Variants in B9D1 observed in about 807,000 individuals in gnomAD.
The protein encoded by B9D1 is B9 domain-containing protein 1.
In B9D1, 20 loss-of-function variants were observed where a neutral mutation model predicts 26.1. The observed-to-expected ratio is 0.77, with a 90% confidence interval of 0.54 to 1.12. The LOEUF is 1.12. Ranked by LOEUF, B9D1 falls within the 50% of genes most tolerant of loss-of-function variation. The pLI, the probability that B9D1 is intolerant of heterozygous loss-of-function variation, is 0.00. For missense variants in B9D1, 260 were observed against 273.7 expected (o/e 0.95, Z 0.35); for synonymous variants, 105 against 103.1 (o/e 1.02, Z -0.11).
chr17:19,347,213 G>A lies in B9D1; in HGVS notation c.404+56C>T, dbSNP rs1908935396. 2.5e-6 allele frequency: 4 copies of A among 1,614,192 alleles called. No individual in the cohort carries two copies. Among genetic ancestry groups the A allele is most frequent in the Non-Finnish European group, 3.4e-6 (4 of 1,180,014 alleles). On this transcript the variant is annotated intron_variant, in intron 5 of 6. Transcript: ENST00000261499. This position sits in a 1 kb window ranked among gnomAD's most constrained non-coding sequence, Gnocchi z 4.3. ...AGGCACAAACTGAGGGGTAGAATGG[G>A]ACATCCATTCATCCAGTAGATCAGG...
Position 19,347,635 on chromosome 17 carries a change from CA to C in B9D1, c.341+148del. ...ATCTGAAAGGTTCTCCTCCCAAATA[CA>C]GGCTACAACCCCCCTGGCCACCAGG... is the stretch of plus-strand genomic sequence containing the variant. On this transcript the variant is annotated intron_variant, in intron 4 of 6. Coordinates refer to ENST00000261499, the MANE Select transcript of B9D1 (RefSeq NM_015681.6). This position sits in a 1 kb window ranked among gnomAD's most constrained non-coding sequence, Gnocchi z 4.3. 1 of 815,188 alleles carries C rather than the reference CA, an allele frequency of 1.2e-6. No individual in the cohort carries two copies. Among genetic ancestry groups the C allele is most frequent in the Non-Finnish European group, 2.0e-6 (1 of 490,958 alleles). The allele number at this position is 815,188 out of a possible 1,614,324, so 50.5% of individuals were successfully genotyped here. A position where few individuals can be genotyped will look rare whatever the true frequency, so the allele number is the denominator to read the frequency against.
rs1911684027 is a variant in B9D1, at chr17:19,367,954, G to A, written c.-297-7566C>T. Among the ~76,000 whole-genome samples the A allele has an allele frequency of 2.0e-5, 3 of 152,216 alleles. No individual in the cohort carries two copies. The South Asian group carries it at 6.2e-4, about 32-fold the overall frequency. On this transcript the variant is annotated intron_variant, in intron 1 of 5. Coordinates refer to the B9D1 transcript ENST00000477478. ...CTAAATGCTTGTTGAGTGAATGCAT[G>A]AGTGGAGGTCTTTGGGGAGCACTCT...
At chr17:19,346,738 G>A (rs141614013) in intron 5 of B9D1, among the ~76,000 whole-genome samples, 8 of 152,204 alleles carry the variant, frequency 5.3e-5, no homozygotes, top group Non-Finnish European at 8.8e-5. Context: ...CCACACTGCC[G>A]TCCTGGCCAC....
At chr17:19,376,975 G>C (rs897568002) in intron 1 of B9D1, among the ~76,000 whole-genome samples, 1 of 152,048 alleles carries the variant, frequency 6.6e-6, no homozygotes, top group Non-Finnish European at 1.5e-5. Context: ...CCTCCCCTTT[G>C]AGTTGTCCCG....
At chr17:19,335,560 G>A, downstream of B9D1, 1 of 1,365,634 alleles carries the variant, frequency 7.3e-7, no homozygotes, top group Non-Finnish European at 9.9e-7. Flanking sequence ...AGGGCGTGGG[G>A]TGGGGGGTGC....
downstream of B9D1, among the ~76,000 whole-genome samples, chr17:19,342,528 G>A (rs1205397014): frequency 6.6e-6 from 1 of 152,058 alleles, no homozygotes; most frequent in Admixed American, 6.5e-5. Context: ...TGCCTCGTGA[G>A]GTGCGAGGGG....
upstream of B9D1, among the ~76,000 whole-genome samples, chr17:19,364,255 G>A (rs1911455025): frequency 6.6e-6 from 1 of 152,148 alleles, no homozygotes. The surrounding 1 kb of genome is among the most constrained non-coding windows in gnomAD (Gnocchi z 4.3). Context: ...AAGTTCTAGG[G>A]TGGCCTTCAG....
At chr17:19,365,574 C>G (rs1911544887), upstream of B9D1, among the ~76,000 whole-genome samples, 2 of 152,224 alleles carry the variant, frequency 1.3e-5, no homozygotes, top group South Asian at 4.1e-4. This position sits in a 1 kb window ranked among gnomAD's most constrained non-coding sequence, Gnocchi z 5.0. Context: ...CCCTGCACCT[C>G]AGGAGACTGA....
At chr17:19,353,830 C>G (rs1439579800) in intron 3 of B9D1, among the ~76,000 whole-genome samples, 8 of 151,984 alleles carry the variant, frequency 5.3e-5, no homozygotes, top group African/African-American at 1.7e-4. Flanking sequence ...ATCCCAGCTA[C>G]TAAGGAGGCT....
upstream of B9D1, among the ~76,000 whole-genome samples, chr17:19,365,376 C>T (rs1269716960): frequency 6.6e-6 from 1 of 152,208 alleles, no homozygotes; most frequent in African/African-American, 2.4e-5. The surrounding 1 kb of genome is among the most constrained non-coding windows in gnomAD (Gnocchi z 5.0). Flanking sequence ...TGGGGGCCAC[C>T]CTCCTGGAGC....
chr17:19,343,446 G>A lies in B9D1; in HGVS notation c.488C>T (p.Ser163Phe), dbSNP rs1394069896. 1 of 1,614,220 alleles carries A rather than the reference G, an allele frequency of 6.2e-7. No homozygotes were observed. The highest frequency in any genetic ancestry group is 1.1e-5 in the South Asian group (1 of 91,082). The change falls in exon 7 of 7, where the codon TCT becomes TTT. Residue 163 changes from serine (S) to phenylalanine (F), a missense_variant. Physicochemically the swap from Ser to Phe is radical, Grantham distance 155 (BLOSUM62 -2). Transcript: ENST00000261499. Reference sequence around the variant, plus strand: ...GAAGAGGAGGGTGACAAAGCCCTGAGAACGGACACGGGTCACTGGGGACAG... The same window carrying A: ...GAAGAGGAGGGTGACAAAGCCCTGAAAACGGACACGGGTCACTGGGGACAG... Reference protein sequence around the residue: ...GEGREVTRVRSQGFVTLLFNV... With the variant: ...GEGREVTRVRFQGFVTLLFNV...
upstream of B9D1, among the ~76,000 whole-genome samples, chr17:19,367,077 A>G (rs1317508504): frequency 6.6e-6 from 1 of 152,208 alleles, no homozygotes; most frequent in Non-Finnish European, 1.5e-5. Flanking sequence ...GCATAGGGAA[A>G]GGGCATACAT....
chr17:19,343,130 T>G, downstream of B9D1: 1 of 1,425,848 alleles, frequency 7.0e-7, no homozygotes, highest in Non-Finnish European at 9.1e-7. Flanking sequence ...CCAGCTCCTG[T>G]GGGGGAGGGG....
At chr17:19,360,930 G>A (rs1910975220) in intron 1 of B9D1, among the ~76,000 whole-genome samples, 3 of 152,172 alleles carry the variant, frequency 2.0e-5, no homozygotes, top group Admixed American at 2.0e-4. Flanking sequence ...AAGAGGTGAG[G>A]AGCAGGCGAG....
At chr17:19,374,445 G>A (rs1289615808) in intron 1 of B9D1, among the ~76,000 whole-genome samples, 1 of 152,078 alleles carries the variant, frequency 6.6e-6, no homozygotes, top group Non-Finnish European at 1.5e-5. Context: ...ACCACTGGTG[G>A]GTGTCTAAAT....
In B9D1 at chr17:19,347,365, A is replaced by G; in HGVS notation, c.342-34T>C. 1 of 1,612,204 alleles carries G rather than the reference A, an allele frequency of 6.2e-7. No individual in the cohort carries two copies. Among genetic ancestry groups the G allele is most frequent in the Non-Finnish European group, 8.5e-7 (1 of 1,178,328 alleles). On this transcript the variant is annotated intron_variant, in intron 4 of 6. Transcript: ENST00000261499. The surrounding 1 kb of genome is among the most constrained non-coding windows in gnomAD (Gnocchi z 4.3). ...AATGTTTTTGCAGACAGAGATGCTGAGTAAGAGACCTTTCTGAGCCTCCAG... is the reference window on the plus strand; with the variant it reads ...AATGTTTTTGCAGACAGAGATGCTGGGTAAGAGACCTTTCTGAGCCTCCAG...
At chr17:19,358,108 G>A (rs1910593115) in intron 2 of B9D1, among the ~76,000 whole-genome samples, 157 bp from the exon 3 acceptor site, 1 of 152,078 alleles carries the variant, frequency 6.6e-6, no homozygotes, top group African/African-American at 2.4e-5. Context: ...AGATGATGGA[G>A]TACCTCTTTA....
downstream of B9D1, chr17:19,341,423 G>A (rs1907949447): frequency 4.7e-6 from 4 of 852,096 alleles, no homozygotes; most frequent in Admixed American, 4.3e-5. Flanking sequence ...GGAGGCTGGC[G>A]TGAAGGAGCC....
chr17:19,344,000 T>C, intron 5 of B9D1, 143 bp from the exon 6 acceptor site: 1 of 1,312,638 alleles, frequency 7.6e-7, no homozygotes, highest in Non-Finnish European at 1.0e-6. Context: ...AGTCAGGCCC[T>C]AAGCAGAGCC....
Sources: allele counts gnomAD v4.1 joint callset (sites outside exome capture counted in the v4.1 genomes callset), GRCh38; gene constraint gnomAD v4.1.1; non-coding constraint Gnocchi (gnomAD v3.1); transcripts MANE v1.5; gene names NCBI Gene and HGNC (gene_info 2026-07-23, HGNC 2026-07-21).